NUDT9: variants seen among roughly 807,000 people sequenced by gnomAD.
The protein encoded by NUDT9 is nudix hydrolase 9.
A neutral mutation model predicts 41.0 loss-of-function variants in NUDT9; 31 were observed. The ratio of observed to expected loss-of-function variants is 0.76; its 90% CI spans 0.57 to 1.02. NUDT9 has a LOEUF of 1.02. Among genes scored for constraint, NUDT9 ranks in the 50% least tolerant of loss-of-function variants. NUDT9 has a pLI of 0.00. For synonymous variants in NUDT9, 146 were observed against 147.6 expected (o/e 0.99, Z 0.08); for missense variants, 380 against 431.4 (o/e 0.88, Z 1.06).
rs1262893649 is a variant in NUDT9, at chr4:87,441,858, G to A, written c.473G>A (p.Gly158Asp). 1.2e-6 allele frequency: 2 copies of A among 1,613,540 alleles called. No individual in the cohort carries two copies. The highest frequency in any genetic ancestry group is 1.7e-6 in the Non-Finnish European group (2 of 1,179,876). The change falls in exon 4 of 8, where the codon GGC (glycine) becomes GAC (aspartate). Residue 158 changes from glycine (G) to aspartate (D), a missense_variant. Gly to Asp is a moderately conservative substitution (Grantham distance 94). Transcript: ENST00000302174. ...RNPAGRTGLV[G>D]RGLLGRWGPN... is the part of the protein sequence containing the mutation. ...CCTGCAGGACGGACTGGACTGGTGG[G>A]CCGGGGGCTTTTGGGGCGATGGGGC...
At chr4:87,427,354 A>T (rs1228733721) in intron 1 of NUDT9, among the ~76,000 whole-genome samples, 1 of 152,224 alleles carries the variant, frequency 6.6e-6, no homozygotes, top group Non-Finnish European at 1.5e-5. Context: ...AATGGACTTT[A>T]TCAGCTACTT....
intron 3 of NUDT9, among the ~76,000 whole-genome samples, chr4:87,440,725 A>C (rs891734437): frequency 1.3e-5 from 2 of 152,090 alleles, no homozygotes; most frequent in East Asian, 3.9e-4. Context: ...GCATGCCTGT[A>C]ATCCCAGCTA....
Position 87,423,046 on chromosome 4 carries a change from CTAGACCTTGAGT to C in NUDT9, c.107+36_107+47del, listed in dbSNP as rs1192035909. The C allele has an allele frequency of 5.8e-6, 9 of 1,549,612 alleles. No individual in the cohort carries two copies. The South Asian group carries it at 1.0e-4, about 18-fold the overall frequency. On this transcript the variant is annotated intron_variant, in intron 1 of 7. Transcript: ENST00000302174. ...CCCTCCTACTACCGGCTCCTTTGCC[CTAGACCTTGAGT>C]TGGGGGTGGGAAGCAGCTTTTTTTT... is the stretch of plus-strand genomic sequence containing the variant.
rs1448129575 is a variant in NUDT9, at chr4:87,422,678, C to G, written c.-228C>G. ...GGAGGCTTCGGCGTCACGTGCTGGT[C>G]TGGATTTTTCTCGATGCACTGGGGA... On this transcript the variant is annotated 5_prime_UTR_variant, in exon 1 of 8. Coordinates refer to ENST00000302174, the MANE Select transcript of NUDT9 (RefSeq NM_024047.5). The G allele has an allele frequency of 1.2e-5, 5 of 404,728 alleles. No homozygotes were observed. In the East Asian group the frequency reaches 1.9e-4, roughly 15 times the overall value. 25.1% of individuals were successfully genotyped at this position (404,728 alleles called of 1,614,324 possible).
intron 4 of NUDT9, among the ~76,000 whole-genome samples, chr4:87,443,843 T>G (rs1250242761): frequency 6.6e-6 from 1 of 152,178 alleles, no homozygotes; most frequent in Non-Finnish European, 1.5e-5. Flanking sequence ...TTTTGTGCAG[T>G]TTTATTGTGG....
chr4:87,440,809 G>A (rs1471129240), intron 3 of NUDT9, among the ~76,000 whole-genome samples: 4 of 151,704 alleles, frequency 2.6e-5, no homozygotes, highest in East Asian at 1.9e-4. Flanking sequence ...TCATGCCACC[G>A]CACTCCAGCG....
chr4:87,447,636 G>A (rs1478957131), intron 4 of NUDT9, among the ~76,000 whole-genome samples: 1 of 152,002 alleles, frequency 6.6e-6, no homozygotes, highest in African/African-American at 2.4e-5. Flanking sequence ...AGTGTATTCT[G>A]AAACTAACAT....
rs539075055 is a variant in NUDT9, at chr4:87,455,198, A to T, written c.874+743A>T. ...TTGTACAAATCATTTGTCCTCTTGGACTCAGTTTTTTCACTTACAAAATGG... is the reference window on the plus strand; with the variant it reads ...TTGTACAAATCATTTGTCCTCTTGGTCTCAGTTTTTTCACTTACAAAATGG... On this transcript the variant is annotated intron_variant, in intron 7 of 7. Transcript: ENST00000302174. 1.1e-4 allele frequency among the ~76,000 whole-genome samples: 16 copies of T among 152,058 alleles called. No homozygotes were observed. In the East Asian group the frequency reaches 2.5e-3, roughly 24 times the overall value.
At chr4:87,442,554 T>C (rs1232022143) in intron 4 of NUDT9, among the ~76,000 whole-genome samples, 1 of 152,246 alleles carries the variant, frequency 6.6e-6, no homozygotes, top group Non-Finnish European at 1.5e-5. Context: ...TTACTGTAAC[T>C]TCTTTATAAA....
intron 2 of NUDT9, among the ~76,000 whole-genome samples, chr4:87,435,855 A>G (rs1721907925): frequency 6.6e-6 from 1 of 152,228 alleles, no homozygotes. Context: ...ACAATGTGAT[A>G]TTTTGACATA....
chr4:87,454,458 A>G lies in NUDT9; in HGVS notation c.874+3A>G. On this transcript the variant is annotated splice_donor_region_variant and intron_variant, in intron 7 of 7. Coordinates refer to ENST00000302174, the MANE Select transcript of NUDT9 (RefSeq NM_024047.5). ...TGTGAACTACCATGACGAAACAGGT[A>G]ACTTTATATTTATTAAACTGGCTGG... 6.3e-7 allele frequency: 1 copy of G among 1,578,034 alleles called. No homozygotes were observed. Among genetic ancestry groups the G allele is most frequent in the Admixed American group, 1.7e-5 (1 of 59,962 alleles).
chr4:87,425,060 A>G (rs949970372), intron 1 of NUDT9, among the ~76,000 whole-genome samples: 2 of 152,188 alleles, frequency 1.3e-5, no homozygotes, highest in Admixed American at 1.3e-4. Context: ...AGAAAAACAA[A>G]AAAAGAATTT....
At chr4:87,428,907 A>C (rs1393597264) in intron 1 of NUDT9, among the ~76,000 whole-genome samples, 1 of 152,116 alleles carries the variant, frequency 6.6e-6, no homozygotes, top group Admixed American at 6.5e-5. Context: ...TTCATCACCC[A>C]AAGTCCTGTA....
chr4:87,452,203 A>G (rs1384197090), intron 6 of NUDT9, among the ~76,000 whole-genome samples: 3 of 152,022 alleles, frequency 2.0e-5, no homozygotes, highest in East Asian at 1.9e-4. Flanking sequence ...GGGTTTCACC[A>G]TGTTGGCCAG....
At chr4:87,450,378 CTTTTTTTT>C (rs59228872) in intron 5 of NUDT9, among the ~76,000 whole-genome samples, 1 of 102,306 alleles carries the variant, frequency 9.8e-6, no homozygotes. Flanking sequence ...TTTTCTTTTT[CTTTTTTTT>C]TTTTTTTTTT....
chr4:87,423,214 A>T (rs993710692), intron 1 of NUDT9, among the ~76,000 whole-genome samples: 14 of 152,068 alleles, frequency 9.2e-5, no homozygotes, highest in African/African-American at 3.4e-4. Flanking sequence ...TTGACTTCTG[A>T]TTTTGAAATT....
chr4:87,446,833 G>T (rs1722484254), intron 4 of NUDT9, among the ~76,000 whole-genome samples: 1 of 152,026 alleles, frequency 6.6e-6, no homozygotes, highest in African/African-American at 2.4e-5. Context: ...TATCTAAATG[G>T]CTTTTAGAAA....
intron 1 of NUDT9, among the ~76,000 whole-genome samples, chr4:87,432,582 G>A (rs13129115): frequency 3.1e-4 from 47 of 151,836 alleles, no homozygotes; most frequent in African/African-American, 1.1e-3. Context: ...TCCTTGTCTT[G>A]TTCCTGATCT....
chr4:87,454,252 G>A, intron 6 of NUDT9, 119 bp from the exon 7 acceptor site: 1 of 631,476 alleles, frequency 1.6e-6, no homozygotes, highest in Non-Finnish European at 2.9e-6. Flanking sequence ...GTAGCATTAA[G>A]TATGTTCATG....
Sources: gnomAD v4.1 joint callset for allele counts (sites outside exome capture counted in the v4.1 genomes callset) on GRCh38, gnomAD v4.1.1 for gene constraint, MANE v1.5 for transcripts, NCBI Gene and HGNC (gene_info 2026-07-23, HGNC 2026-07-21) for gene names.